The following RTN4RL1 variants were observed in gnomAD, a reference collection of about 807,000 sequenced individuals.
RTN4RL1 encodes the protein reticulon 4 receptor like 1.
Under a neutral mutation model 25.6 loss-of-function variants are expected in RTN4RL1, and 7 were observed. The ratio of observed to expected loss-of-function variants is 0.27; its 90% CI spans 0.16 to 0.51. The LOEUF (loss-of-function observed/expected upper bound fraction) is 0.51. Among genes scored for constraint, RTN4RL1 ranks in the 20% least tolerant of loss-of-function variants. RTN4RL1 has a pLI of 0.97. For synonymous variants in RTN4RL1, 297 were observed against 288.2 expected, an observed-to-expected ratio of 1.03 and a Z score of -0.31; for missense variants, 500 against 615.6, an observed-to-expected ratio of 0.81 and a Z score of 1.99.
chr17:1,942,010 C>T (rs1915448013), intron 1 of RTN4RL1, among the ~76,000 whole-genome samples: 1 of 152,164 alleles, frequency 6.6e-6, no homozygotes, highest in Non-Finnish European at 1.5e-5. Context: ...TTTAAGATTG[C>T]AAATTAGCAG....
intron 1 of RTN4RL1, among the ~76,000 whole-genome samples, chr17:1,944,524 C>T (rs12451683): frequency 0.092 from 13,969 of 152,142 alleles, 772 homozygotes; most frequent in Admixed American, 0.19. Context: ...GGTGCGATCT[C>T]GGCTCACTGC....
At chr17:1,970,134 G>A (rs2066812026) in intron 1 of RTN4RL1, among the ~76,000 whole-genome samples, 1 of 151,340 alleles carries the variant, frequency 6.6e-6, no homozygotes, top group Admixed American at 6.6e-5. Context: ...CGATTCTCCT[G>A]CCTCAGCCTC....
chr17:1,960,830 A>G (rs1440170162), intron 1 of RTN4RL1, among the ~76,000 whole-genome samples: 3 of 151,810 alleles, frequency 2.0e-5, no homozygotes, highest in Non-Finnish European at 4.4e-5. Flanking sequence ...TTTCACACTG[A>G]CGGTTCCCAC....
chr17:1,983,632 A>G (rs1225358205), intron 1 of RTN4RL1, among the ~76,000 whole-genome samples: 4 of 149,040 alleles, frequency 2.7e-5, no homozygotes, highest in Admixed American at 2.7e-4. Flanking sequence ...CAAACTCCTG[A>G]GCTCAAGCGA....
At chr17:1,967,581 C>T (rs1457156053) in intron 1 of RTN4RL1, among the ~76,000 whole-genome samples, 3 of 152,174 alleles carry the variant, frequency 2.0e-5, no homozygotes, top group African/African-American at 4.8e-5. Flanking sequence ...AATTCTACCC[C>T]TCCTCCCAGA....
chr17:1,935,559 T>G lies in RTN4RL1; in HGVS notation c.*937A>C, dbSNP rs1161999006. 1 of 985,368 alleles carries G rather than the reference T, an allele frequency of 1.0e-6. No individual in the cohort carries two copies. The highest frequency in any genetic ancestry group is 1.7e-5 in the African/African-American group (1 of 57,158). The allele number at this position is 985,368 out of a possible 1,614,324, so 61.0% of individuals were successfully genotyped here. On this transcript the variant is annotated 3_prime_UTR_variant, in exon 2 of 2. Transcript: ENST00000331238. ...GTCCCTTGGAGACTATCGTTGCCAG[T>G]TTGGGATTCTAGACAAAAATTCTAT... is the stretch of plus-strand genomic sequence containing the variant.
chr17:1,954,867 T>A (rs1915759289), intron 1 of RTN4RL1, among the ~76,000 whole-genome samples: 1 of 152,134 alleles, frequency 6.6e-6, no homozygotes, highest in African/African-American at 2.4e-5. Context: ...TAAATGGAGA[T>A]ATATAATAAG....
chr17:2,022,242 G>C (rs1377391260), intron 1 of RTN4RL1, among the ~76,000 whole-genome samples: 1 of 151,992 alleles, frequency 6.6e-6, no homozygotes. Flanking sequence ...CTTGAATCTG[G>C]GAGGCAGAGG....
At chr17:1,999,888 G>A (rs577151571) in intron 1 of RTN4RL1, among the ~76,000 whole-genome samples, 9 of 152,350 alleles carry the variant, frequency 5.9e-5, no homozygotes, top group Admixed American at 1.3e-4. Context: ...CTCCTCTCCT[G>A]TCTAGGGCCC....
chr17:1,953,663 C>A (rs1915730188), intron 1 of RTN4RL1, among the ~76,000 whole-genome samples: 1 of 152,066 alleles, frequency 6.6e-6, no homozygotes, highest in Non-Finnish European at 1.5e-5. Context: ...CTCCTGGGTT[C>A]AAGCGATTCT....
chr17:1,978,640 G>GA (rs77424791), intron 1 of RTN4RL1, among the ~76,000 whole-genome samples: 1 of 152,052 alleles, frequency 6.6e-6, no homozygotes, highest in Admixed American at 6.5e-5. Flanking sequence ...AAATGGGGGG[G>GA]GTGGAGGGTG....
chr17:2,019,582 T>C (rs968889316), intron 1 of RTN4RL1: 1 of 152,330 alleles, frequency 6.6e-6, no homozygotes, highest in African/African-American at 2.4e-5. Context: ...TCCCCTGCCT[T>C]TTCCTCCTGA....
At chr17:2,017,709 A>ACGCACG (rs72531710) in intron 1 of RTN4RL1, 1 of 145,884 alleles carries the variant, frequency 6.9e-6, no homozygotes, top group Non-Finnish European at 1.5e-5. Context: ...ACACACACGC[A>ACGCACG]CACACACTAT....
intron 1 of RTN4RL1, among the ~76,000 whole-genome samples, chr17:2,021,617 C>T (rs11656601): frequency 0.18 from 24,220 of 135,614 alleles, 2,241 homozygotes; most frequent in Middle Eastern, 0.3. Context: ...TGCAGTGGTG[C>T]GATCTTGGCT....
intron 1 of RTN4RL1, among the ~76,000 whole-genome samples, chr17:1,967,773 G>A (rs571460579): frequency 3.9e-5 from 6 of 152,134 alleles, no homozygotes; most frequent in South Asian, 2.1e-4. Flanking sequence ...CCAAGTAGCC[G>A]GGAGTACAGG....
intron 1 of RTN4RL1, chr17:2,017,974 G>C (rs2067148663): frequency 6.6e-6 from 1 of 152,394 alleles, no homozygotes. Flanking sequence ...GAATCACGGG[G>C]AGAACTGACC....
intron 1 of RTN4RL1, among the ~76,000 whole-genome samples, chr17:1,977,970 G>A (rs2066850312): frequency 6.7e-6 from 1 of 148,842 alleles, no homozygotes; most frequent in Admixed American, 6.7e-5. Flanking sequence ...CCTGCACCCC[G>A]CACCCCTCAT....
rs537123298 is a variant in RTN4RL1 at position 1,940,774 on chromosome 17, G to A, written c.14-2966C>T. Among the ~76,000 whole-genome samples, 7 of 152,196 alleles carry A rather than the reference G, an allele frequency of 4.6e-5. No individual in the cohort carries two copies. The East Asian group carries it at 9.6e-4, about 21-fold the overall frequency. Reference sequence around the variant, plus strand: ...GCTACCCTCCAGGAAGGTGCTTCCCGCACCTGTAGGAAGCTTCCTCCCCCA... The same window carrying A: ...GCTACCCTCCAGGAAGGTGCTTCCCACACCTGTAGGAAGCTTCCTCCCCCA... On this transcript the variant is annotated intron_variant, in intron 1 of 1. Coordinates refer to ENST00000331238, the MANE Select transcript of RTN4RL1 (RefSeq NM_178568.4).
rs1381561326 is a variant in RTN4RL1 at position 1,937,697 on chromosome 17, GC to G, written c.124del (p.Ala42ArgfsTer84). 1 of 1,613,086 alleles carries G rather than the reference GC, an allele frequency of 6.2e-7. No individual in the cohort carries two copies. Among genetic ancestry groups the G allele is most frequent in the Non-Finnish European group, 8.5e-7 (1 of 1,179,786 alleles). On this transcript the variant is annotated frameshift_variant, in exon 2 of 2. Transcript: ENST00000331238. LOFTEE classifies it high-confidence loss of function. ...YPAPMTVSCQ[A>X]HNFAAIPEGI... is the part of the protein sequence containing the mutation. ...CTCCGGGATGGCTGCAAAGTTGTGC[GC>G]CTGGCAGCTGACCGTCATGGGCGCC...
Sources: allele counts gnomAD v4.1 joint callset (sites outside exome capture counted in the v4.1 genomes callset), GRCh38; gene constraint gnomAD v4.1.1; transcripts MANE v1.5; gene names NCBI Gene and HGNC (gene_info 2026-07-23, HGNC 2026-07-21).